CD99L2: variants seen among roughly 807,000 people sequenced by gnomAD.
CD99L2 encodes CD99 molecule like 2.
CD99L2 carries 24 observed loss-of-function variants against 27.3 expected under a neutral mutation model. The observed-to-expected ratio is 0.88, with a 90% CI of 0.64 to 1.24. The LOEUF (loss-of-function observed/expected upper bound fraction) is 1.24, where lower values mean the gene tolerates loss of function less well. Among genes scored for constraint, CD99L2 ranks in the 50% most tolerant of loss-of-function variants. The pLI is 0.00. For synonymous variants in CD99L2, 97 were observed against 87.9 expected (o/e 1.10, Z -0.58); for missense variants, 255 against 221.6 (o/e 1.15, Z -0.96).
At chrX:150,850,075 T>C (rs1557421564) in intron 1 of CD99L2, among the ~76,000 whole-genome samples, 1 of 111,778 alleles carries the variant, frequency 8.9e-6, no homozygotes, top group African/African-American at 3.3e-5. Context: ...ATGCCAAGAA[T>C]AGAGATGTTC....
intron 1 of CD99L2, among the ~76,000 whole-genome samples, chrX:150,862,093 G>A (rs1431286833): frequency 1.8e-5 from 2 of 111,633 alleles, no homozygotes; most frequent in African/African-American, 6.5e-5. Flanking sequence ...CATAGATGAG[G>A]TCTATTTTCT....
chrX:150,859,160 T>C (rs899274183), intron 1 of CD99L2, among the ~76,000 whole-genome samples: 1 of 111,411 alleles, frequency 9.0e-6, no homozygotes, highest in African/African-American at 3.3e-5. Flanking sequence ...CAGGAAGAAA[T>C]AGAAAATCTG....
Position 150,776,280 on chromosome X carries a change from C to T in CD99L2, c.549G>A (p.Glu183=). 8.3e-7 allele frequency: 1 copy of T among 1,207,906 alleles called. No homozygotes were observed. Among genetic ancestry groups the T allele is most frequent in the Non-Finnish European group, 1.1e-6 (1 of 893,541 alleles). ...NDDPGSGMVA[E]PGTIAGVASA... is the part of the protein sequence containing the mutation. ...TGGCCACCCCGGCAATGGTGCCAGGCTCTGCCACCATGCCTGCGTGAAGAA... is the reference window on the plus strand; with the variant it reads ...TGGCCACCCCGGCAATGGTGCCAGGTTCTGCCACCATGCCTGCGTGAAGAA... Residue 183 remains glutamate, a synonymous_variant, in exon 9 of 11, where the codon GAG becomes GAA. Transcript: ENST00000370377.
At chrX:150,887,485 T>TAAATAAAA (rs2047432329) in intron 1 of CD99L2, among the ~76,000 whole-genome samples, 1 of 103,008 alleles carries the variant, frequency 9.7e-6, no homozygotes, top group Non-Finnish European at 2.0e-5. Flanking sequence ...AATAAATAAA[T>TAAATAAAA]AAAATAAAAA....
intron 1 of CD99L2, among the ~76,000 whole-genome samples, chrX:150,866,105 A>G (rs1557422023): frequency 8.9e-6 from 1 of 112,077 alleles, no homozygotes; most frequent in African/African-American, 3.2e-5. Flanking sequence ...CCTGGGCAAC[A>G]GAGTGAGACC....
rs1190820439 is a variant in CD99L2 at position 150,767,618 on chromosome X, CTG to C, written c.*1414_*1415del. The C allele has an allele frequency of 9.0e-6, 1 of 111,729 alleles. No homozygotes were observed. The highest frequency in any genetic ancestry group is 1.9e-5 in the Non-Finnish European group (1 of 53,100). 9.2% of individuals were successfully genotyped at this position (111,729 alleles called of 1,213,427 possible). A position where few individuals can be genotyped will look rare whatever the true frequency, so the allele number is the denominator to read the frequency against. On this transcript the variant is annotated 3_prime_UTR_variant, in exon 11 of 11. Transcript: ENST00000370377. ...AGATTCCAGTGGTTTCCTTAAGAAA[CTG>C]GAGTTGGCTCATCCCACTCAGCAGA...
intron 1 of CD99L2, among the ~76,000 whole-genome samples, chrX:150,869,122 C>G (rs143671264): frequency 2.1e-4 from 24 of 112,023 alleles, no homozygotes; most frequent in African/African-American, 7.1e-4. Flanking sequence ...TCTGTTCTCT[C>G]ATCACTAGTA....
At chrX:150,787,462 C>A (rs1468946753) in intron 7 of CD99L2, among the ~76,000 whole-genome samples, 1 of 111,077 alleles carries the variant, frequency 9.0e-6, no homozygotes, top group Non-Finnish European at 1.9e-5. Context: ...GTTATCCCAG[C>A]ACCATTTATT....
intron 9 of CD99L2, among the ~76,000 whole-genome samples, chrX:150,770,942 A>T (rs2043440835): frequency 8.9e-6 from 1 of 112,776 alleles, no homozygotes; most frequent in South Asian, 3.6e-4. Context: ...CCAGCCCACC[A>T]GCAGCTGCTT....
chrX:150,809,495 T>G (rs1428884480), intron 4 of CD99L2, among the ~76,000 whole-genome samples: 1 of 112,046 alleles, frequency 8.9e-6, no homozygotes, highest in African/African-American at 3.2e-5. Context: ...GAAAAATAAT[T>G]TTATTAGAGC....
intron 1 of CD99L2, among the ~76,000 whole-genome samples, chrX:150,875,209 C>T (rs781894125): frequency 4.5e-5 from 5 of 112,079 alleles, no homozygotes; most frequent in Non-Finnish European, 9.4e-5. Flanking sequence ...GATTCACAGA[C>T]AGGTATAAGA....
intron 7 of CD99L2, among the ~76,000 whole-genome samples, chrX:150,787,840 C>CATATGA (rs1411344359): frequency 1.0e-5 from 1 of 97,558 alleles, no homozygotes; most frequent in African/African-American, 3.7e-5. Context: ...CACATGTATA[C>CATATGA]ATATGAAACA....
intron 1 of CD99L2, among the ~76,000 whole-genome samples, chrX:150,851,386 G>A (rs1049354347): frequency 5.4e-4 from 60 of 112,103 alleles, no homozygotes; most frequent in African/African-American, 1.8e-3. Flanking sequence ...TTTGTGAGCT[G>A]GCATGGTGCC....
intron 9 of CD99L2, among the ~76,000 whole-genome samples, chrX:150,775,182 G>C (rs974643274): frequency 1.8e-5 from 2 of 112,385 alleles, no homozygotes; most frequent in African/African-American, 6.5e-5. Flanking sequence ...CTAGACTTAA[G>C]GGCGGAGGGC....
intron 1 of CD99L2, among the ~76,000 whole-genome samples, chrX:150,875,502 C>A (rs942881864): frequency 5.4e-5 from 6 of 111,698 alleles, no homozygotes; most frequent in Non-Finnish European, 1.1e-4. Context: ...ATAAGAGTAC[C>A]TACCTCTCTC....
In CD99L2 at chrX:150,835,494, C is replaced by T. The variant is rs782231387; in HGVS notation, c.68-4201G>A. On this transcript the variant is annotated intron_variant, in intron 1 of 10. Transcript: ENST00000370377. Reference sequence around the variant, plus strand: ...ACAGTGAGTGTGTATTGCTCTCTAGCATGGGCGACAGAGTGAGGCCCTGTC... The same window carrying T: ...ACAGTGAGTGTGTATTGCTCTCTAGTATGGGCGACAGAGTGAGGCCCTGTC... 3.6e-5 allele frequency among the ~76,000 whole-genome samples: 4 copies of T among 111,798 alleles called. No individual in the cohort carries two copies. In the South Asian group the frequency reaches 1.5e-3, roughly 42 times the overall value.
chrX:150,825,159 A>C lies in CD99L2; in HGVS notation c.130+6072T>G, dbSNP rs200072581. Among the ~76,000 whole-genome samples the C allele has an allele frequency of 9.8e-5, 11 of 112,251 alleles. No individual in the cohort carries two copies. In the East Asian group the frequency reaches 2.8e-3, roughly 28 times the overall value. On this transcript the variant is annotated intron_variant, in intron 2 of 10. Transcript: ENST00000370377. The stretch of plus-strand genomic sequence containing the variant: ...AATGAGTTTGTTTATGTATAATTAT[A>C]TTATGATATAGATAGGTAAAAAAGA...
chrX:150,831,389 G>T, intron 1 of CD99L2, 96 bp from the exon 2 acceptor site: 1 of 730,050 alleles, frequency 1.4e-6, no homozygotes, highest in Non-Finnish European at 2.0e-6. Context: ...AGAAAGTGAA[G>T]GAATAACAAA....
At chrX:150,787,894 A>G (rs1245638822) in intron 7 of CD99L2, among the ~76,000 whole-genome samples, 1 of 55,449 alleles carries the variant, frequency 1.8e-5, no homozygotes, top group South Asian at 9.4e-4. Flanking sequence ...TAAAGTATAT[A>G]TATATATATA....
Sources: allele counts gnomAD v4.1 joint callset (sites outside exome capture counted in the v4.1 genomes callset), GRCh38; gene constraint gnomAD v4.1.1; transcripts MANE v1.5; gene names NCBI Gene and HGNC (gene_info 2026-07-23, HGNC 2026-07-21).